Variants in ARHGAP1 observed in about 807,000 individuals in gnomAD.
The protein encoded by ARHGAP1 is Rho GTPase activating protein 1, also known as rho GTPase-activating protein 1.
Under a neutral mutation model 52.2 loss-of-function variants are expected in ARHGAP1, and 23 were observed. The ratio of observed to expected loss-of-function variants is 0.44; its 90% CI spans 0.32 to 0.62. The LOEUF is 0.62. Ranked by LOEUF, ARHGAP1 falls within the 20% of genes least tolerant of loss-of-function variation. The pLI is 0.05. For synonymous variants in ARHGAP1, 210 were observed against 228.4 expected (o/e 0.92, Z 0.73); for missense variants, 480 against 560.9 (o/e 0.86, Z 1.46).
chr11:46,695,414 C>T (rs1592392758), intron 3 of ARHGAP1: 1 of 571,548 alleles, frequency 1.7e-6, no homozygotes, highest in East Asian at 3.6e-5. Context: ...TGGCTCTGGG[C>T]TAGGCCCTGA....
intron 4 of ARHGAP1, among the ~76,000 whole-genome samples, chr11:46,685,617 G>A (rs140065679): frequency 3.7e-4 from 53 of 145,088 alleles, no homozygotes; most frequent in African/African-American, 1.1e-3. Flanking sequence ...GAGCCACCGC[G>A]CCAGGTCATA....
chr11:46,695,308 A>C (rs912022521), intron 3 of ARHGAP1: 6 of 366,008 alleles, frequency 1.6e-5, no homozygotes, highest in Non-Finnish European at 3.2e-5. Flanking sequence ...CTCCCCAGTA[A>C]CTGATAGGGT....
Position 46,681,092 on chromosome 11 carries a change from T to A in ARHGAP1, c.554A>T (p.Lys185Met). ...GCTCAGGTAATTCACATAGAAGATC[T>A]TCTGCCCGAACTTGAAGCTGTTGGT... ...KPLISFKFGQKIFYVNYLSEL... is the reference protein window; with the variant it reads ...KPLISFKFGQMIFYVNYLSEL... The change falls in exon 7 of 13, where the codon AAG (lysine) becomes ATG (methionine). Residue 185 changes from lysine to methionine, a missense_variant. Coordinates refer to ENST00000311956, the MANE Select transcript of ARHGAP1 (RefSeq NM_004308.5). This position sits in a 1 kb window ranked among gnomAD's most constrained non-coding sequence, Gnocchi z 5.7. 1 of 1,614,184 alleles carries A rather than the reference T, an allele frequency of 6.2e-7. No individual in the cohort carries two copies. The highest frequency in any genetic ancestry group is 8.5e-7 in the Non-Finnish European group (1 of 1,180,014).
rs541312809 is a variant in ARHGAP1, at chr11:46,682,118, C to G, written c.382G>C (p.Gly128Arg). The G allele has an allele frequency of 2.5e-6, 4 of 1,614,180 alleles. No homozygotes were observed. The highest frequency in any genetic ancestry group is 2.5e-6 in the Non-Finnish European group (3 of 1,180,030). ...GAGGGCTTGTTGTCGCTGGTCAGGC[C>G]GTGGTGCAGATACAGAAGTGTGTAG... The part of the protein sequence containing the change: ...SDYTLLYLHH[G>R]LTSDNKPSLS... The change falls in exon 5 of 13, where the codon GGC (glycine) becomes CGC (arginine). Residue 128 changes from glycine to arginine, a missense_variant. Gly to Arg is a moderately radical substitution (Grantham distance 125). Transcript: ENST00000311956.
rs200140073 is a variant in ARHGAP1 at position 46,679,031 on chromosome 11, C to A, written c.*6G>T. The stretch of plus-strand genomic sequence containing the variant: ...AGAGAAGGGGCTGGTGGGGCAGGGG[C>A]CAGGTTCAGAGCCCGCTGGGGTCCG... On this transcript the variant is annotated 3_prime_UTR_variant, in exon 13 of 13. Transcript: ENST00000311956. This position sits in a 1 kb window ranked among gnomAD's most constrained non-coding sequence, Gnocchi z 4.4. 6.2e-7 allele frequency: 1 copy of A among 1,613,922 alleles called. No individual in the cohort carries two copies. The highest frequency in any genetic ancestry group is 1.3e-5 in the African/African-American group (1 of 75,054).
rs367621189 is a variant in ARHGAP1 at position 46,681,112 on chromosome 11, G to A, written c.537-3C>T. 177 of 1,613,892 alleles carry A rather than the reference G, an allele frequency of 1.1e-4. No homozygotes were observed. The African/African-American group carries it at 1.9e-3, about 17-fold the overall frequency. ...AGATCTTCTGCCCGAACTTGAAGCTGTTGGTGGAAGAAAGGGCCTGGGTTG... is the reference window on the plus strand; with the variant it reads ...AGATCTTCTGCCCGAACTTGAAGCTATTGGTGGAAGAAAGGGCCTGGGTTG... On this transcript the variant is annotated splice_polypyrimidine_tract_variant and splice_region_variant and intron_variant, in intron 6 of 12. Transcript: ENST00000311956. This position sits in a 1 kb window ranked among gnomAD's most constrained non-coding sequence, Gnocchi z 5.7.
Position 46,679,759 on chromosome 11 carries a change from C to A in ARHGAP1, c.916G>T (p.Asp306Tyr). The A allele has an allele frequency of 6.2e-7, 1 of 1,613,654 alleles. No homozygotes were observed. Residue 306 changes from aspartate to tyrosine, a missense_variant, in exon 11 of 13, where the codon GAC becomes TAC. Transcript: ENST00000311956. This position sits in a 1 kb window ranked among gnomAD's most constrained non-coding sequence, Gnocchi z 4.4. Reference protein sequence around the residue: ...KYNMGLPVDFDQYNELHLPAV... With the variant: ...KYNMGLPVDFYQYNELHLPAV... ...GGCAGGTGCAGCTCATTGTACTGGT[C>A]GAAATCCACAGGCAGCCCTGGGGTG...
rs371465340 is a variant in ARHGAP1, at chr11:46,680,327, G to A, written c.821-45C>T. ...GGTGAGCCTCCGAGCGCTGGGCACC[G>A]GCTGGATTCCCTGCCCCTTCTCTGT... On this transcript the variant is annotated intron_variant, in intron 9 of 12. Transcript: ENST00000311956. The surrounding 1 kb of genome is among the most constrained non-coding windows in gnomAD (Gnocchi z 5.9). The A allele has an allele frequency of 2.8e-5, 45 of 1,602,536 alleles. No homozygotes were observed. The highest frequency in any genetic ancestry group is 5.4e-5 in the African/African-American group (4 of 74,674).
At chr11:46,694,318 G>A (rs2064636410) in intron 3 of ARHGAP1, among the ~76,000 whole-genome samples, 1 of 151,930 alleles carries the variant, frequency 6.6e-6, no homozygotes, top group Admixed American at 6.6e-5. Context: ...GCTCCCCAGG[G>A]TGAGACTGCA....
chr11:46,688,317 G>T, intron 3 of ARHGAP1, 57 bp from the exon 4 acceptor site: 1 of 1,528,582 alleles, frequency 6.5e-7, no homozygotes, highest in Non-Finnish European at 9.0e-7. Flanking sequence ...AAGAAGTGGG[G>T]TGAGGAACTT....
At position 46,681,003 on chromosome 11, in the gene ARHGAP1, C is replaced by T. The variant is rs757133368; in HGVS notation, c.635+8G>A. On this transcript the variant is annotated splice_region_variant and intron_variant, in intron 7 of 12. Coordinates refer to ENST00000311956, the MANE Select transcript of ARHGAP1 (RefSeq NM_004308.5). This position sits in a 1 kb window ranked among gnomAD's most constrained non-coding sequence, Gnocchi z 5.7. The stretch of plus-strand genomic sequence containing the variant: ...TTCACGAGCCCCCAGCCGCCGCACC[C>T]GCCTCACTTGAGCACTTGGCGAGGG... The T allele has an allele frequency of 2.5e-6, 4 of 1,613,306 alleles. No homozygotes were observed. The highest frequency in any genetic ancestry group is 3.4e-6 in the Non-Finnish European group (4 of 1,179,698).
rs757899935 is a variant in ARHGAP1, at chr11:46,680,626, C to T, written c.743+14G>A. 8.1e-6 allele frequency: 13 copies of T among 1,613,724 alleles called. No homozygotes were observed. Among genetic ancestry groups the T allele is most frequent in the Non-Finnish European group, 1.1e-5 (13 of 1,179,718 alleles). ...TTCCCGCCCCGCCGTGGCCCAGCCA[C>T]CTTTCATACTTACTGCTGCAGCGAG... is the stretch of plus-strand genomic sequence containing the variant. On this transcript the variant is annotated intron_variant, in intron 8 of 12. Transcript: ENST00000311956. This position sits in a 1 kb window ranked among gnomAD's most constrained non-coding sequence, Gnocchi z 5.9.
chr11:46,679,306 G>A lies in ARHGAP1; in HGVS notation c.1131+59C>T. ...CAGCAACAATGACCAGGGCGCAGAG[G>A]AGGCGGCAGCTCCTCCTTCCCCCTC... On this transcript the variant is annotated intron_variant, in intron 12 of 12. Transcript: ENST00000311956. This position sits in a 1 kb window ranked among gnomAD's most constrained non-coding sequence, Gnocchi z 4.4. 1 of 1,605,996 alleles carries A rather than the reference G, an allele frequency of 6.2e-7. No homozygotes were observed. The highest frequency in any genetic ancestry group is 8.5e-7 in the Non-Finnish European group (1 of 1,173,870).
At chr11:46,687,036 C>G (rs2134485697) in intron 4 of ARHGAP1, 1 of 152,458 alleles carries the variant, frequency 6.6e-6, no homozygotes, top group East Asian at 1.9e-4. Context: ...TCCTGAAAAC[C>G]AGGTGCTTTC....
At chr11:46,686,532 CAGCCTCCTGAGT>C (rs1454177045) in intron 4 of ARHGAP1, among the ~76,000 whole-genome samples, 2 of 151,336 alleles carry the variant, frequency 1.3e-5, no homozygotes, top group Non-Finnish European at 2.9e-5. Flanking sequence ...CATTCTGCCT[CAGCCTCCTGAGT>C]AGCTGGGACT....
intron 1 of ARHGAP1, chr11:46,697,179 C>G (rs996721893): frequency 6.6e-6 from 1 of 152,644 alleles, no homozygotes; most frequent in African/African-American, 2.4e-5. Context: ...AAGGCAGACT[C>G]GACCACCAAG....
At position 46,680,313 on chromosome 11, in the gene ARHGAP1, G is replaced by A. The variant is rs148879999; in HGVS notation, c.821-31C>T. On this transcript the variant is annotated intron_variant, in intron 9 of 12. Transcript: ENST00000311956. This position sits in a 1 kb window ranked among gnomAD's most constrained non-coding sequence, Gnocchi z 5.9. ...AAACAGTAGGGCCTGGTGAGCCTCCGAGCGCTGGGCACCGGCTGGATTCCC... is the reference window on the plus strand; with the variant it reads ...AAACAGTAGGGCCTGGTGAGCCTCCAAGCGCTGGGCACCGGCTGGATTCCC... The A allele has an allele frequency of 0.012, 18,687 of 1,611,034 alleles. 156 individuals carry two copies. The highest frequency in any genetic ancestry group is 0.017 in the Middle Eastern group (104 of 6,036).
In ARHGAP1 at chr11:46,680,496, G is replaced by T; in HGVS notation, c.811C>A (p.Gln271Lys). ...IVLRETVAYL[Q>K]AHALTTEGIF... ...CAGGCCCGGCACTCACCGTGGGCCT[G>T]TAAGTAGGCAACAGTCTCCCTGAGT... The change falls in exon 9 of 13, where the codon CAG (glutamine) becomes AAG (lysine). Residue 271 changes from glutamine to lysine, a missense_variant. By Grantham distance (53) the Gln-to-Lys change is moderately conservative. Transcript: ENST00000311956. This position sits in a 1 kb window ranked among gnomAD's most constrained non-coding sequence, Gnocchi z 5.9. 1 of 1,613,970 alleles carries T rather than the reference G, an allele frequency of 6.2e-7. No individual in the cohort carries two copies. Among genetic ancestry groups the T allele is most frequent in the Middle Eastern group, 1.7e-4 (1 of 6,058 alleles).
At chr11:46,685,602 G>A (rs1451210899) in intron 4 of ARHGAP1, among the ~76,000 whole-genome samples, 2 of 151,794 alleles carry the variant, frequency 1.3e-5, no homozygotes, top group Non-Finnish European at 2.9e-5. Flanking sequence ...TGAGATTACA[G>A]GCGTGAGCCA....
Sources: gnomAD v4.1 joint callset for allele counts (sites outside exome capture counted in the v4.1 genomes callset) on GRCh38, gnomAD v4.1.1 for gene constraint, Gnocchi (gnomAD v3.1) non-coding constraint, MANE v1.5 for transcripts, NCBI Gene and HGNC (gene_info 2026-07-23, HGNC 2026-07-21) for gene names.